CHRM3: variants seen among roughly 807,000 people sequenced by gnomAD.
CHRM3 encodes the protein cholinergic receptor muscarinic 3, also known as muscarinic acetylcholine receptor M3.
In CHRM3, 11 loss-of-function variants were observed where a neutral mutation model predicts 41.8. That is an observed-to-expected ratio of 0.26 (90% confidence interval 0.17 to 0.44). CHRM3 has a LOEUF of 0.44. Ranked by LOEUF, CHRM3 falls within the 20% of genes least tolerant of loss-of-function variation. The probability of loss-of-function intolerance (pLI) is 1.00; values close to 1 mark genes in which losing one functional copy is unlikely to be tolerated. For missense variants in CHRM3, 571 were observed against 745.4 expected, an observed-to-expected ratio of 0.77 and a Z score of 2.72; for synonymous variants, 297 against 301.4, an observed-to-expected ratio of 0.99 and a Z score of 0.15.
At chr1:239,507,779 C>T (rs963311910) in intron 2 of CHRM3, among the ~76,000 whole-genome samples, 3 of 152,104 alleles carry the variant, frequency 2.0e-5, no homozygotes, top group Non-Finnish European at 4.4e-5. Flanking sequence ...AAAGAATAGG[C>T]TGTTGAGTTA....
At chr1:239,786,960 A>G (rs912458639) in intron 5 of CHRM3, among the ~76,000 whole-genome samples, 13 of 152,184 alleles carry the variant, frequency 8.5e-5, no homozygotes, top group Non-Finnish European at 1.8e-4. Context: ...ATAAATTTAT[A>G]TATTAGGAAG....
At chr1:239,632,980 T>C (rs1450101610) in intron 4 of CHRM3, among the ~76,000 whole-genome samples, 2 of 152,216 alleles carry the variant, frequency 1.3e-5, no homozygotes, top group African/African-American at 4.8e-5. Context: ...ATGTCTTTTT[T>C]GTTTGTTTTT....
chr1:239,547,146 A>G (rs1659375103), intron 3 of CHRM3, among the ~76,000 whole-genome samples: 1 of 152,194 alleles, frequency 6.6e-6, no homozygotes, highest in Admixed American at 6.5e-5. Context: ...TTTTGCATAT[A>G]AATGGAACGA....
chr1:239,425,533 A>G (rs968466651), intron 1 of CHRM3, among the ~76,000 whole-genome samples: 3 of 152,010 alleles, frequency 2.0e-5, no homozygotes, highest in African/African-American at 7.2e-5. Context: ...ACGGCACAAC[A>G]CTCATGCATT....
intron 5 of CHRM3, among the ~76,000 whole-genome samples, chr1:239,813,925 A>AAAAAAAAAAAAAAC (rs1553274107): frequency 0.01 from 1,465 of 146,208 alleles, 77 homozygotes; most frequent in African/African-American, 0.038. Flanking sequence ...TCAAAAAAAA[A>AAAAAAAAAAAAAAC]AAAAAAAAAC....
chr1:239,864,545 C>T (rs1017368217), intron 6 of CHRM3, among the ~76,000 whole-genome samples: 5 of 139,626 alleles, frequency 3.6e-5, no homozygotes, highest in South Asian at 2.1e-4. Context: ...CACACACACA[C>T]GCACACACAC....
At chr1:239,855,288 G>C (rs975101869) in intron 6 of CHRM3, among the ~76,000 whole-genome samples, 3 of 152,096 alleles carry the variant, frequency 2.0e-5, no homozygotes, top group African/African-American at 7.2e-5. Flanking sequence ...AAAAATTATA[G>C]AGAGGGTTTC....
chr1:239,503,420 A>G (rs142197918), intron 2 of CHRM3, among the ~76,000 whole-genome samples: 281 of 152,308 alleles, frequency 1.8e-3, no homozygotes, highest in African/African-American at 6.3e-3. Context: ...TAGATGACAC[A>G]AATGGAAACA....
At chr1:239,405,747 A>C (rs957323860) in intron 1 of CHRM3, among the ~76,000 whole-genome samples, 3 of 152,162 alleles carry the variant, frequency 2.0e-5, no homozygotes, top group Non-Finnish European at 2.9e-5. Context: ...GTGAAAAAAA[A>C]ATGTTGTTAC....
At chr1:239,432,509 G>A (rs1662908858) in intron 1 of CHRM3, among the ~76,000 whole-genome samples, 1 of 152,148 alleles carries the variant, frequency 6.6e-6, no homozygotes, top group Non-Finnish European at 1.5e-5. Context: ...TGCTTTATAT[G>A]TAGATGATGA....
At chr1:239,857,634 A>G (rs1382491756) in intron 6 of CHRM3, among the ~76,000 whole-genome samples, 1 of 152,194 alleles carries the variant, frequency 6.6e-6, no homozygotes, top group Non-Finnish European at 1.5e-5. Flanking sequence ...TTGTTAAATT[A>G]TTCTGATTAT....
Position 239,523,807 on chromosome 1 carries a change from A to G in CHRM3, c.-421-21834A>G, listed in dbSNP as rs185571447. Among the ~76,000 whole-genome samples the G allele has an allele frequency of 3.2e-4, 49 of 152,324 alleles. 1 individual carries two copies. The highest frequency in any genetic ancestry group is 2.7e-3 in the Admixed American group (42 of 15,286). On this transcript the variant is annotated intron_variant, in intron 2 of 6. Transcript: ENST00000676153. The stretch of plus-strand genomic sequence containing the variant: ...AAAATTAATGGGATAAAACAGTATG[A>G]TGGCATCAAGTAAAACGTTTTTGTT...
At position 239,408,521 on chromosome 1, in the gene CHRM3, CAAAAAAA is replaced by C. The variant is rs371319364; in HGVS notation, c.-521+21311_-521+21317del. ...CCTGGGCAACAGAGAGAGACTCCGTCAAAAAAAAAAAAAAAAAAAAAAACTCTCTCCT... is the reference window on the plus strand; with the variant it reads ...CCTGGGCAACAGAGAGAGACTCCGTCAAAAAAAAAAAAAAAACTCTCTCCT... On this transcript the variant is annotated intron_variant, in intron 1 of 6. Coordinates refer to ENST00000676153, the MANE Select transcript of CHRM3 (RefSeq NM_001375978.1). Among the ~76,000 whole-genome samples, 72 of 61,266 alleles carry C rather than the reference CAAAAAAA, an allele frequency of 1.2e-3. 1 individual carries two copies. Among genetic ancestry groups the C allele is most frequent in the African/African-American group, 4.1e-3 (70 of 17,188 alleles). 40.2% of individuals were successfully genotyped at this position (61,266 alleles called of 152,430 possible). A position where few individuals can be genotyped will look rare whatever the true frequency, so the allele number is the denominator to read the frequency against.
At chr1:239,851,410 A>G (rs542882192) in intron 6 of CHRM3, among the ~76,000 whole-genome samples, 31 of 152,298 alleles carry the variant, frequency 2.0e-4, no homozygotes, top group African/African-American at 7.5e-4. Flanking sequence ...ATTTTATTTT[A>G]TCTTCCAATA....
At chr1:239,443,157 TA>T (rs1663859904) in intron 1 of CHRM3, among the ~76,000 whole-genome samples, 1 of 152,346 alleles carries the variant, frequency 6.6e-6, no homozygotes, top group East Asian at 1.9e-4. Flanking sequence ...TGTTCTCACA[TA>T]AAAATATTTG....
intron 6 of CHRM3, among the ~76,000 whole-genome samples, chr1:239,827,796 C>T (rs1164361910): frequency 6.6e-6 from 1 of 152,088 alleles, no homozygotes; most frequent in African/African-American, 2.4e-5. Flanking sequence ...ACAATAAAAC[C>T]TTCCCTGCTC....
intron 1 of CHRM3, among the ~76,000 whole-genome samples, chr1:239,425,130 C>T (rs1280352223): frequency 6.6e-6 from 1 of 152,150 alleles, no homozygotes; most frequent in Non-Finnish European, 1.5e-5. Flanking sequence ...GACAACTTCA[C>T]TACAAGTGAT....
chr1:239,504,235 TC>T (rs964729224), intron 2 of CHRM3, among the ~76,000 whole-genome samples: 2 of 150,666 alleles, frequency 1.3e-5, no homozygotes, highest in African/African-American at 4.9e-5. Context: ...AAACAAACAA[TC>T]CCATAAAAAA....
intron 3 of CHRM3, among the ~76,000 whole-genome samples, chr1:239,576,047 T>C (rs1201073430): frequency 6.6e-6 from 1 of 152,158 alleles, no homozygotes; most frequent in Non-Finnish European, 1.5e-5. Context: ...TTGACTACTC[T>C]AGGTAATGGA....
Sources: gnomAD v4.1 joint callset for allele counts (sites outside exome capture counted in the v4.1 genomes callset) on GRCh38, gnomAD v4.1.1 for gene constraint, MANE v1.5 for transcripts, NCBI Gene and HGNC (gene_info 2026-07-23, HGNC 2026-07-21) for gene names.